Variants in KANSL1L observed in about 807,000 individuals in gnomAD.
KANSL1L encodes the protein KAT8 regulatory NSL complex subunit 1-like protein.
Under a neutral mutation model 108.6 loss-of-function variants are expected in KANSL1L, and 25 were observed. The ratio of observed to expected loss-of-function variants is 0.23; its 90% CI spans 0.17 to 0.32. The LOEUF is 0.32. KANSL1L is among the 10% of genes least tolerant of loss of function. The pLI is 1.00. For missense variants in KANSL1L, 1,137 were observed against 1,125.7 expected (o/e 1.01, Z -0.14); for synonymous variants, 405 against 395.1 (o/e 1.03, Z -0.30).
chr2:210,172,241 A>G (rs754837497), upstream of KANSL1L, among the ~76,000 whole-genome samples: 1 of 152,120 alleles, frequency 6.6e-6, no homozygotes. Context: ...TTAAAACTGA[A>G]CTCTAAATGT....
chr2:210,153,059 A>G (rs2095313392), intron 2 of KANSL1L: 1 of 154,550 alleles, frequency 6.5e-6, no homozygotes, highest in East Asian at 1.9e-4. Context: ...GTTTTATAAC[A>G]TAAAAGATTA....
intron 4 of KANSL1L, 82 bp from the exon 5 acceptor site, chr2:210,098,289 T>G: frequency 7.8e-7 from 1 of 1,281,826 alleles, no homozygotes; most frequent in Non-Finnish European, 1.1e-6. Flanking sequence ...CAATTAATCC[T>G]TAACTTCTCA....
intron 8 of KANSL1L, chr2:210,033,063 G>GGT (rs1359695264): frequency 6.6e-6 from 1 of 152,166 alleles, no homozygotes; most frequent in African/African-American, 2.4e-5. Flanking sequence ...ATAACTTGAT[G>GGT]GAACAGAGTG....
intron 6 of KANSL1L, among the ~76,000 whole-genome samples, chr2:210,059,244 C>G (rs2094393922): frequency 6.6e-6 from 1 of 152,060 alleles, no homozygotes; most frequent in African/African-American, 2.4e-5. Context: ...GGAAGCCATT[C>G]TAGCTAATGC....
chr2:210,030,615 A>G (rs115460937), intron 9 of KANSL1L: 1 of 151,596 alleles, frequency 6.6e-6, no homozygotes, highest in Non-Finnish European at 1.5e-5. Context: ...GTGTTTTAAA[A>G]TGAGAATATT....
intron 6 of KANSL1L, among the ~76,000 whole-genome samples, chr2:210,055,124 G>A (rs1034443026): frequency 1.3e-5 from 2 of 152,182 alleles, no homozygotes; most frequent in African/African-American, 4.8e-5. Context: ...CCCCCATGCT[G>A]CTGTTCTTGT....
At chr2:210,153,457 T>C (rs369214007) in intron 2 of KANSL1L, 38 bp downstream of exon 2, 7 of 1,537,658 alleles carry the variant, frequency 4.6e-6, no homozygotes, top group Admixed American at 3.4e-5. Flanking sequence ...CTGCTATATA[T>C]GGAACAGAAA....
At chr2:210,096,263 G>GT (rs1260895356) in intron 5 of KANSL1L, among the ~76,000 whole-genome samples, 3 of 152,056 alleles carry the variant, frequency 2.0e-5, no homozygotes, top group Non-Finnish European at 2.9e-5. Context: ...TTTTTCAAGT[G>GT]TAACAGTTAT....
chr2:210,050,461 T>C (rs910804099), intron 6 of KANSL1L, among the ~76,000 whole-genome samples: 2 of 152,048 alleles, frequency 1.3e-5, no homozygotes, highest in Admixed American at 6.6e-5. Context: ...AGCAAAAGTA[T>C]AGAGCAGACA....
intron 3 of KANSL1L, among the ~76,000 whole-genome samples, chr2:210,106,141 T>C (rs1033601552): frequency 3.9e-5 from 6 of 152,184 alleles, no homozygotes; most frequent in Admixed American, 2.6e-4. Flanking sequence ...ATTAGAAAGT[T>C]TGAAGCAGGG....
rs1031779665 is a variant in KANSL1L at position 210,171,389 on chromosome 2, G to A, written c.-270C>T. ...CCCGCAGCTCCGTGCGGCTCGGGGG[G>A]ACGGAACCCTGCCGCGGTCTGGGAG... On this transcript the variant is annotated 5_prime_UTR_variant, in exon 1 of 15. Coordinates refer to ENST00000281772, the MANE Select transcript of KANSL1L (RefSeq NM_152519.4). The A allele has an allele frequency of 4.8e-5, 8 of 167,216 alleles. No individual in the cohort carries two copies. In the South Asian group the frequency reaches 6.7e-4, roughly 14 times the overall value. The allele number at this position is 167,216 out of a possible 1,614,324, so 10.4% of individuals were successfully genotyped here.
chr2:210,024,305 T>C (rs1342869754), intron 13 of KANSL1L, 104 bp from the exon 14 acceptor site: 4 of 832,976 alleles, frequency 4.8e-6, no homozygotes, highest in Non-Finnish European at 7.0e-6. Flanking sequence ...TTGGTAACTT[T>C]AAACAGTTTT....
At chr2:210,059,766 T>A (rs1210536535) in intron 6 of KANSL1L, among the ~76,000 whole-genome samples, 1 of 152,006 alleles carries the variant, frequency 6.6e-6, no homozygotes, top group Non-Finnish European at 1.5e-5. Flanking sequence ...AAATACTACT[T>A]AAGTAACTTT....
intron 3 of KANSL1L, among the ~76,000 whole-genome samples, chr2:210,106,632 C>G (rs1454743303): frequency 6.6e-6 from 1 of 151,842 alleles, no homozygotes; most frequent in Non-Finnish European, 1.5e-5. Context: ...GGCTGGGCAT[C>G]ATGGCACATG....
intron 4 of KANSL1L, among the ~76,000 whole-genome samples, chr2:210,099,003 C>A (rs1252551166): frequency 6.6e-6 from 1 of 151,854 alleles, no homozygotes; most frequent in Non-Finnish European, 1.5e-5. Flanking sequence ...TTTCATTACA[C>A]CTGTAATCCA....
chr2:210,102,194 T>C (rs1391247286), intron 4 of KANSL1L, among the ~76,000 whole-genome samples: 1 of 152,220 alleles, frequency 6.6e-6, no homozygotes, highest in African/African-American at 2.4e-5. Context: ...CCTTGTAGTA[T>C]AGTTTAAAGT....
In KANSL1L at chr2:210,060,302, C is replaced by G. The variant is rs554932217; in HGVS notation, c.1755+15250G>C. Among the ~76,000 whole-genome samples the G allele has an allele frequency of 7.2e-5, 11 of 152,266 alleles. No homozygotes were observed. The South Asian group carries it at 2.3e-3, about 32-fold the overall frequency. ...ATGATGATACAGACTACAAACACTA[C>G]TTTTGCAAATCTGCCATAGGAGACA... On this transcript the variant is annotated intron_variant, in intron 6 of 14. Transcript: ENST00000281772.
intron 1 of KANSL1L, among the ~76,000 whole-genome samples, chr2:210,162,463 T>G (rs985865981): frequency 2.0e-5 from 3 of 151,780 alleles, no homozygotes; most frequent in African/African-American, 7.3e-5. Flanking sequence ...AAATTTCTGT[T>G]TTGGATATGT....
At chr2:210,117,797 C>T (rs770201873) in intron 3 of KANSL1L, among the ~76,000 whole-genome samples, 39 of 152,082 alleles carry the variant, frequency 2.6e-4, no homozygotes, top group Admixed American at 2.2e-3. Context: ...TATAAACCAA[C>T]AAGCTGAACA....
Sources: allele counts gnomAD v4.1 joint callset (sites outside exome capture counted in the v4.1 genomes callset), GRCh38; gene constraint gnomAD v4.1.1; transcripts MANE v1.5; gene names NCBI Gene and HGNC (gene_info 2026-07-23, HGNC 2026-07-21).